Variants in GATA5 observed in about 807,000 individuals in gnomAD.
The protein encoded by GATA5 is GATA binding protein 5.
In GATA5, 27 loss-of-function variants were observed where a neutral mutation model predicts 35.0. The observed-to-expected ratio is 0.77, with a 90% confidence interval of 0.57 to 1.06. The LOEUF is 1.06. GATA5 is among the 50% of genes least tolerant of loss of function. GATA5 has a pLI of 0.00. For missense variants in GATA5, 612 were observed against 580.0 expected (o/e 1.06, Z -0.57); for synonymous variants, 306 against 267.8 (o/e 1.14, Z -1.39).
At position 62,475,255 on chromosome 20, in the gene GATA5, C is replaced by T; in HGVS notation, c.267G>A (p.Gly89=). The T allele has an allele frequency of 3.2e-6, 4 of 1,246,202 alleles. No homozygotes were observed. The highest frequency in any genetic ancestry group is 4.0e-6 in the Non-Finnish European group (4 of 995,218). 77.2% of individuals were successfully genotyped at this position (1,246,202 alleles called of 1,614,324 possible). The change falls in exon 2 of 7, where the codon GGG becomes GGA. Residue 89 remains glycine (G), a synonymous_variant. Transcript: ENST00000252997. ...TGTGCGCGAAAGGGAAGGCGGTGGCCCCGGGCGGGTGCGCGGCTGGGGGGT... is the reference window on the plus strand; with the variant it reads ...TGTGCGCGAAAGGGAAGGCGGTGGCTCCGGGCGGGTGCGCGGCTGGGGGGT... ...SPHPPAAHPP[G]ATAFPFAHSP...
intron 3 of GATA5, among the ~76,000 whole-genome samples, chr20:62,468,910 C>G (rs1555896329): frequency 6.6e-6 from 1 of 152,258 alleles, no homozygotes; most frequent in East Asian, 1.9e-4. Flanking sequence ...CCAGGGCCCC[C>G]AGATGGTGTC....
At position 62,466,500 on chromosome 20, in the gene GATA5, T is replaced by A; in HGVS notation, c.751A>T (p.Thr251Ser). The change falls in exon 4 of 7, where the codon ACC becomes TCC. Residue 251 changes from threonine to serine, a missense_variant. Transcript: ENST00000252997. ...LCCTNCHTTN[T>S]TLWRRNSEGE... ...TCCGAGTTCCGCCGCCACAGCGTGG[T>A]GTTGGTCGTGTGGCAGTTGGTGCAG... The A allele has an allele frequency of 6.4e-7, 1 of 1,567,396 alleles. No individual in the cohort carries two copies. The highest frequency in any genetic ancestry group is 8.6e-7 in the Non-Finnish European group (1 of 1,156,262).
chr20:62,466,352 T>A, intron 4 of GATA5, 74 bp downstream of exon 4: 1 of 1,469,034 alleles, frequency 6.8e-7, no homozygotes, highest in Non-Finnish European at 9.1e-7. Flanking sequence ...AGCCTCTTGG[T>A]CTGAGAGTGC....
chr20:62,464,416 C>G lies in GATA5; in HGVS notation c.*420G>C, dbSNP rs1376269630. 1 of 154,164 alleles carries G rather than the reference C, an allele frequency of 6.5e-6. No individual in the cohort carries two copies. Among genetic ancestry groups the G allele is most frequent in the African/African-American group, 2.4e-5 (1 of 41,514 alleles). The allele number at this position is 154,164 out of a possible 1,614,324, so 9.5% of individuals were successfully genotyped here. A position where few individuals can be genotyped will look rare whatever the true frequency, so the allele number is the denominator to read the frequency against. On this transcript the variant is annotated 3_prime_UTR_variant, in exon 7 of 7. Transcript: ENST00000252997. ...CCTCTCCCCTGCTTGGCCTCAGGTG[C>G]TTCACTGGGAATCTTGGTTTTACAC...
At chr20:62,472,180 C>T (rs1344300129) in intron 3 of GATA5, among the ~76,000 whole-genome samples, 1 of 152,122 alleles carries the variant, frequency 6.6e-6, no homozygotes, top group Non-Finnish European at 1.5e-5. Flanking sequence ...CTCCTAGGAG[C>T]CTTCCCTCCG....
At chr20:62,465,964 C>A in intron 4 of GATA5, 43 bp from the exon 5 acceptor site, 1 of 1,391,052 alleles carries the variant, frequency 7.2e-7, no homozygotes, top group South Asian at 1.2e-5. Flanking sequence ...CATCCCTGCT[C>A]ACCCCGGGCC....
rs80178953 is a variant in GATA5 at position 62,468,648 on chromosome 20, G to A, written c.700-2097C>T. ...AAGGAAAGGAGGGGGCCAGGCCAATGAGGCCGGGGAGGCTTGAGAGGTGCC... is the reference window on the plus strand; with the variant it reads ...AAGGAAAGGAGGGGGCCAGGCCAATAAGGCCGGGGAGGCTTGAGAGGTGCC... On this transcript the variant is annotated intron_variant, in intron 3 of 6. Coordinates refer to ENST00000252997, the MANE Select transcript of GATA5 (RefSeq NM_080473.5). Among the ~76,000 whole-genome samples the A allele has an allele frequency of 3.7e-3, 570 of 152,384 alleles. 5 individuals carry two copies. The highest frequency in any genetic ancestry group is 0.013 in the African/African-American group (520 of 41,594).
At chr20:62,466,632 G>A (rs1055031707) in intron 3 of GATA5, 81 bp from the exon 4 acceptor site, 197 of 1,472,236 alleles carry the variant, frequency 1.3e-4, no homozygotes, top group Non-Finnish European at 1.6e-4. Flanking sequence ...GACTCAGGTC[G>A]GCCTTGCGGC....
At chr20:62,466,592 T>C in intron 3 of GATA5, 41 bp from the exon 4 acceptor site, 1 of 1,532,118 alleles carries the variant, frequency 6.5e-7, no homozygotes, top group Non-Finnish European at 8.8e-7. Flanking sequence ...CCGGGCCGGG[T>C]GCGCGGCTGG....
Position 62,464,753 on chromosome 20 carries a change from G to A in GATA5, c.*83C>T. 8.0e-7 allele frequency: 1 copy of A among 1,246,158 alleles called. No individual in the cohort carries two copies. The highest frequency in any genetic ancestry group is 1.1e-6 in the Non-Finnish European group (1 of 906,274). The allele number at this position is 1,246,158 out of a possible 1,614,324, so 77.2% of individuals were successfully genotyped here. On this transcript the variant is annotated 3_prime_UTR_variant, in exon 7 of 7. Coordinates refer to ENST00000252997, the MANE Select transcript of GATA5 (RefSeq NM_080473.5). ...GTTGGGGGGCCTGCTGGTCTCTGCTGTGCTGGAGCAAAGCAGGCACGGAGG... is the reference window on the plus strand; with the variant it reads ...GTTGGGGGGCCTGCTGGTCTCTGCTATGCTGGAGCAAAGCAGGCACGGAGG...
chr20:62,464,809 TC>T lies in GATA5; in HGVS notation c.*26del. ...CAGTGGGTGGTCTGTTCCAGGCTGT[TC>T]CCCTGACATGGGCTGGCCTGGGGAC... On this transcript the variant is annotated 3_prime_UTR_variant, in exon 7 of 7. Transcript: ENST00000252997. The T allele has an allele frequency of 1.3e-6, 2 of 1,559,048 alleles. No individual in the cohort carries two copies. Among genetic ancestry groups the T allele is most frequent in the East Asian group, 4.6e-5 (2 of 43,396 alleles).
At chr20:62,467,464 C>G (rs931574179) in intron 3 of GATA5, among the ~76,000 whole-genome samples, 3 of 152,258 alleles carry the variant, frequency 2.0e-5, no homozygotes, top group Non-Finnish European at 4.4e-5. Flanking sequence ...TCTCAGAGCA[C>G]AGCTCTGCTG....
In GATA5 at chr20:62,465,417, C is replaced by T; in HGVS notation, c.961G>A (p.Asp321Asn). ...GCTTTCGAAGTGGCTGCTGAGCTGTCAGTGCTGGCGACAGCAGATGGGGAG... is the reference window on the plus strand; with the variant it reads ...GCTTTCGAAGTGGCTGCTGAGCTGTTAGTGCTGGCGACAGCAGATGGGGAG... Reference protein sequence around the residue: ...SASPSAVASTDSSAATSKAKP... With the variant: ...SASPSAVASTNSSAATSKAKP... Residue 321 changes from aspartate (D) to asparagine (N), a missense_variant, in exon 6 of 7, where the codon GAC becomes AAC. Coordinates refer to ENST00000252997, the MANE Select transcript of GATA5 (RefSeq NM_080473.5). 6.2e-7 allele frequency: 1 copy of T among 1,608,184 alleles called. No individual in the cohort carries two copies. Among genetic ancestry groups the T allele is most frequent in the Non-Finnish European group, 8.5e-7 (1 of 1,179,448 alleles).
intron 3 of GATA5, among the ~76,000 whole-genome samples, chr20:62,469,890 GT>G (rs1413921450): frequency 6.6e-6 from 1 of 152,146 alleles, no homozygotes; most frequent in Admixed American, 6.5e-5. Context: ...CCTCGGCCAG[GT>G]ACTTAGGGGA....
chr20:62,466,272 G>A (rs1475128115), intron 4 of GATA5, among the ~76,000 whole-genome samples, 154 bp downstream of exon 4: 1 of 152,250 alleles, frequency 6.6e-6, no homozygotes, highest in Non-Finnish European at 1.5e-5. Flanking sequence ...GGGTGGTGCC[G>A]CAGTCGGCCG....
chr20:62,474,919 G>A (rs1351487612), intron 2 of GATA5, 80 bp downstream of exon 2: 2 of 1,173,094 alleles, frequency 1.7e-6, no homozygotes, highest in South Asian at 3.2e-5. Flanking sequence ...GGAGGATGAG[G>A]GGAGCGTTTC....
At chr20:62,467,860 C>T (rs915096475) in intron 3 of GATA5, among the ~76,000 whole-genome samples, 1 of 152,218 alleles carries the variant, frequency 6.6e-6, no homozygotes, top group African/African-American at 2.4e-5. Context: ...ACACAGCCAG[C>T]CTCGGCTTCC....
rs112617105 is a variant in GATA5, at chr20:62,464,865, C to T, written c.1165G>A (p.Glu389Lys). 1 of 1,608,826 alleles carries T rather than the reference C, an allele frequency of 6.2e-7. No homozygotes were observed. The highest frequency in any genetic ancestry group is 1.1e-5 in the South Asian group (1 of 90,840). ...QAGLRGALRQ[E>K]AWCALALA is the part of the protein sequence containing the mutation. The stretch of plus-strand genomic sequence containing the variant: ...GCCAAGGCCAGCGCACACCAGGCCT[C>T]TTGGCGCAGAGCCCCCCTGAGGCCA... The change falls in exon 7 of 7, where the codon GAG becomes AAG. Residue 389 changes from glutamate to lysine, a missense_variant. Physicochemically the swap from Glu to Lys is moderately conservative, Grantham distance 56. Coordinates refer to ENST00000252997, the MANE Select transcript of GATA5 (RefSeq NM_080473.5).
chr20:62,473,354 C>T, intron 3 of GATA5, 49 bp downstream of exon 3: 2 of 1,560,638 alleles, frequency 1.3e-6, no homozygotes, highest in Non-Finnish European at 1.7e-6. Flanking sequence ...AAGAGGTCCC[C>T]TCGGGGGAGC....
Sources: gnomAD v4.1 joint callset for allele counts (sites outside exome capture counted in the v4.1 genomes callset) on GRCh38, gnomAD v4.1.1 for gene constraint, MANE v1.5 for transcripts, NCBI Gene and HGNC (gene_info 2026-07-23, HGNC 2026-07-21) for gene names.